HEPH: variants seen among roughly 807,000 people sequenced by gnomAD.
HEPH encodes hephaestin.
HEPH carries 69 observed loss-of-function variants against 80.8 expected under a neutral mutation model. That is an observed-to-expected ratio of 0.85 (90% CI 0.70 to 1.04). HEPH has a LOEUF of 1.04. Among genes scored for constraint, HEPH ranks in the 50% least tolerant of loss-of-function variants. The probability of loss-of-function intolerance (pLI) is 0.00; values close to 1 mark genes in which losing one functional copy is unlikely to be tolerated. For synonymous variants in HEPH, 431 were observed against 322.8 expected, an observed-to-expected ratio of 1.34 and a Z score of -3.60; for missense variants, 1,115 against 891.3, an observed-to-expected ratio of 1.25 and a Z score of -3.20.
In HEPH at chrX:66,172,412, G is replaced by A. The variant is rs747544497; in HGVS notation, c.225G>A (p.Lys75=). 2.5e-6 allele frequency: 3 copies of A among 1,206,770 alleles called. No homozygotes were observed. The highest frequency in any genetic ancestry group is 1.8e-5 in the South Asian group (1 of 55,975). The change falls in exon 3 of 21, where the codon AAG becomes AAA. Residue 75 remains lysine, a synonymous_variant. Transcript: ENST00000343002. ...DKNRIGGTYK[K]TIYKEYKDDS... Reference sequence around the variant, plus strand: ...ACCGGATAGGGGGAACCTACAAGAAGACCATCTATAAAGAATACAAGGATG... The same window carrying A: ...ACCGGATAGGGGGAACCTACAAGAAAACCATCTATAAAGAATACAAGGATG...
At chrX:66,252,284 G>A (rs895522002) in intron 15 of HEPH, among the ~76,000 whole-genome samples, 21 of 111,866 alleles carry the variant, frequency 1.9e-4, no homozygotes, top group Admixed American at 2.9e-4. Context: ...TGTTGAGTCT[G>A]AGATAAAAAT....
At chrX:66,187,626 A>G (rs1271243979) in intron 4 of HEPH, among the ~76,000 whole-genome samples, 1 of 111,357 alleles carries the variant, frequency 9.0e-6, no homozygotes, top group Non-Finnish European at 1.9e-5. Context: ...TGCTGTGAAT[A>G]CCAGCACAGT....
In HEPH at chrX:66,265,356, G is replaced by T. The variant is rs145097410; in HGVS notation, c.3245-1084G>T. On this transcript the variant is annotated intron_variant, in intron 20 of 20. Transcript: ENST00000343002. ...GCTGTGTGCTGTACAAAAAGGGCAA[G>T]CAATAATAACAGTTAACATGTATTG... Among the ~76,000 whole-genome samples, 296 of 110,716 alleles carry T rather than the reference G, an allele frequency of 2.7e-3. 1 individual carries two copies. Among genetic ancestry groups the T allele is most frequent in the African/African-American group, 9.5e-3 (289 of 30,513 alleles).
At chrX:66,196,859 C>A (rs767271065) in intron 9 of HEPH, among the ~76,000 whole-genome samples, 6 of 109,138 alleles carry the variant, frequency 5.5e-5, no homozygotes, top group East Asian at 2.8e-4. Flanking sequence ...TGCATATGAA[C>A]CTTTTAAAGA....
Position 66,207,223 on chromosome X carries a change from G to T in HEPH, c.2320G>T (p.Asp774Tyr), listed in dbSNP as rs1440227742. 2 of 1,204,127 alleles carry T rather than the reference G, an allele frequency of 1.7e-6. No individual in the cohort carries two copies. Among genetic ancestry groups the T allele is most frequent in the Non-Finnish European group, 2.2e-6 (2 of 892,393 alleles). ...TGGTTACATTTTCCTGAGCAACAAG[G>T]ATGGGCTCCTGGGTTCCAGATACAA... ...SYGYIFLSNK[D>Y]GLLGSRYKKA... The change falls in exon 14 of 21, where the codon GAT (aspartate) becomes TAT (tyrosine). Residue 774 changes from aspartate (D) to tyrosine (Y), a missense_variant. This residue lies in a region of HEPH where 716 missense variants were observed against 523.5 expected (regional missense o/e 1.37). Coordinates refer to ENST00000343002, the MANE Select transcript of HEPH (RefSeq NM_001367233.3).
In HEPH at chrX:66,258,913, G is replaced by A. The variant is rs367809871; in HGVS notation, c.2970G>A (p.Met990Ile). The A allele has an allele frequency of 6.9e-6, 8 of 1,166,746 alleles. No individual in the cohort carries two copies. Among genetic ancestry groups the A allele is most frequent in the South Asian group, 3.9e-5 (2 of 50,633 alleles). Reference protein sequence around the residue: ...MYQGERVAWYMLAMGQDVDLH... With the variant: ...MYQGERVAWYILAMGQDVDLH... ...AAGGAGAACGAGTGGCCTGGTACAT[G>A]CTGGCCATGGGCCAAGATGTGGATC... The change falls in exon 18 of 21, where the codon ATG becomes ATA. Residue 990 changes from methionine (M) to isoleucine (I), a missense_variant. Physicochemically the swap from Met to Ile is conservative, Grantham distance 10 (BLOSUM62 1). Transcript: ENST00000343002.
At chrX:66,173,846 T>C (rs1244445882) in intron 4 of HEPH, 45 bp downstream of exon 4, 1 of 994,687 alleles carries the variant, frequency 1.0e-6, no homozygotes, top group Non-Finnish European at 1.4e-6. Flanking sequence ...TTGGGACATC[T>C]AGGGGTAGCA....
chrX:66,201,706 C>T (rs770551917), intron 12 of HEPH, among the ~76,000 whole-genome samples: 6 of 111,830 alleles, frequency 5.4e-5, no homozygotes, highest in Non-Finnish European at 9.4e-5. Flanking sequence ...GTCTTCAACG[C>T]TTTAATAATA....
At chrX:66,251,116 C>A (rs1434534711) in intron 15 of HEPH, among the ~76,000 whole-genome samples, 2 of 112,324 alleles carry the variant, frequency 1.8e-5, no homozygotes, top group African/African-American at 6.5e-5. Context: ...CTCCTGACCT[C>A]AAGTGATCCA....
At position 66,195,189 on chromosome X, in the gene HEPH, C is replaced by A. The variant is rs1302379328; in HGVS notation, c.1461C>A (p.Val487=). The A allele has an allele frequency of 3.3e-6, 4 of 1,201,433 alleles. No individual in the cohort carries two copies. The highest frequency in any genetic ancestry group is 6.0e-5 in the East Asian group (2 of 33,273). ...CATTCAGCATGCAGCCCCATGGGGT[C>A]TTTTATGAGAAAGACTATGAAGGCA... ...SQPFSMQPHG[V]FYEKDYEGTV... The change falls in exon 9 of 21, where the codon GTC becomes GTA. Residue 487 remains valine, a synonymous_variant. Transcript: ENST00000343002.
At chrX:66,168,791 A>G (rs1439897640) in intron 1 of HEPH, among the ~76,000 whole-genome samples, 2 of 111,975 alleles carry the variant, frequency 1.8e-5, no homozygotes, top group African/African-American at 6.5e-5. Flanking sequence ...AGCACTGGAC[A>G]TGGTGCTACT....
At chrX:66,262,117 C>T (rs183756296) in intron 19 of HEPH, among the ~76,000 whole-genome samples, 79 of 111,959 alleles carry the variant, frequency 7.1e-4, no homozygotes, top group Admixed American at 6.8e-3. Context: ...TTTTATAACC[C>T]GCTATGGCCT....
At chrX:66,228,935 T>C (rs1196086541) in intron 15 of HEPH, among the ~76,000 whole-genome samples, 1 of 112,384 alleles carries the variant, frequency 8.9e-6, no homozygotes, top group African/African-American at 3.2e-5. Context: ...TTGGCGGAAA[T>C]GTAAACTAGT....
At position 66,266,579 on chromosome X, in the gene HEPH, A is replaced by G. The variant is rs752857567; in HGVS notation, c.3384A>G (p.Gly1128=). Residue 1128 remains glycine, a synonymous_variant, in exon 21 of 21, where the codon GGA becomes GGG. Transcript: ENST00000343002. ...TLLLVVLALG[G]VVWYQHRQRK... is the part of the protein sequence containing the mutation. Reference sequence around the variant, plus strand: ...TGCTCGTTGTTCTGGCTCTTGGTGGAGTGGTTTGGTACCAACATCGACAGA... The same window carrying G: ...TGCTCGTTGTTCTGGCTCTTGGTGGGGTGGTTTGGTACCAACATCGACAGA... The G allele has an allele frequency of 6.6e-6, 8 of 1,207,916 alleles. No homozygotes were observed. In the East Asian group the frequency reaches 1.8e-4, roughly 27 times the overall value.
At chrX:66,246,423 A>G (rs2090808992) in intron 15 of HEPH, among the ~76,000 whole-genome samples, 1 of 111,347 alleles carries the variant, frequency 9.0e-6, no homozygotes, top group Non-Finnish European at 1.9e-5. Flanking sequence ...GGGGCAGTAG[A>G]GCAATCTTAC....
chrX:66,237,318 T>C (rs918833206), intron 15 of HEPH, among the ~76,000 whole-genome samples: 1 of 111,907 alleles, frequency 8.9e-6, no homozygotes, highest in Non-Finnish European at 1.9e-5. Context: ...CCAGAGATTC[T>C]GTAATGCTGC....
chrX:66,259,232 T>A (rs1487593725), intron 18 of HEPH, among the ~76,000 whole-genome samples: 1 of 111,736 alleles, frequency 8.9e-6, no homozygotes, highest in Non-Finnish European at 1.9e-5. Context: ...ACTGAAGGAA[T>A]CAATATCAAG....
chrX:66,211,663 A>T (rs944219326), intron 15 of HEPH, among the ~76,000 whole-genome samples: 6 of 111,791 alleles, frequency 5.4e-5, no homozygotes, highest in Non-Finnish European at 1.1e-4. Context: ...GCTGCAGATT[A>T]TATGATTTCA....
At chrX:66,213,773 C>T (rs2089264670) in intron 15 of HEPH, among the ~76,000 whole-genome samples, 1 of 111,809 alleles carries the variant, frequency 8.9e-6, no homozygotes, top group African/African-American at 3.3e-5. Flanking sequence ...TGACATGATA[C>T]TGTAAATAAA....
Sources: gnomAD v4.1 joint callset for allele counts (sites outside exome capture counted in the v4.1 genomes callset) on GRCh38, gnomAD v4.1.1 for gene constraint, gnomAD v4.1.1 regional missense constraint, MANE v1.5 for transcripts, NCBI Gene and HGNC (gene_info 2026-07-23, HGNC 2026-07-21) for gene names.